The following SPAG16 variants were observed in gnomAD, a reference collection of about 807,000 sequenced individuals.
The protein encoded by SPAG16 is sperm associated antigen 16, also known as sperm-associated antigen 16 protein.
In SPAG16, 86 loss-of-function variants were observed where a neutral mutation model predicts 80.4. That is an observed-to-expected ratio of 1.07 (90% CI 0.90 to 1.28). The LOEUF is 1.28. Among genes scored for constraint, SPAG16 ranks in the 50% most tolerant of loss-of-function variants. The pLI, the probability that SPAG16 is intolerant of heterozygous loss-of-function variation, is 0.00. For missense variants in SPAG16, 870 were observed against 765.3 expected (o/e 1.14, Z -1.61); for synonymous variants, 294 against 265.9 (o/e 1.11, Z -1.03).
chr2:214,138,393 TG>T (rs1223608650), intron 14 of SPAG16, among the ~76,000 whole-genome samples: 1 of 152,096 alleles, frequency 6.6e-6, no homozygotes, highest in Non-Finnish European at 1.5e-5. Context: ...TCTCACGCCC[TG>T]GTACTGGGAA....
At chr2:214,168,507 G>GCA (rs143602373) in intron 15 of SPAG16, among the ~76,000 whole-genome samples, 2 of 151,190 alleles carry the variant, frequency 1.3e-5, no homozygotes, top group South Asian at 2.1e-4. Context: ...GCACACACAT[G>GCA]CACACACACA....
chr2:213,599,684 TG>T (rs1439675118), intron 10 of SPAG16, among the ~76,000 whole-genome samples: 4 of 152,118 alleles, frequency 2.6e-5, no homozygotes, highest in African/African-American at 9.7e-5. Context: ...ATTAGTAGTT[TG>T]TTGTTGGTTT....
At chr2:213,344,600 G>C (rs960463262) in intron 6 of SPAG16, among the ~76,000 whole-genome samples, 13 of 151,852 alleles carry the variant, frequency 8.6e-5, no homozygotes, top group Non-Finnish European at 1.6e-4. Context: ...TCATTGTTCA[G>C]TTCCCACCTA....
chr2:213,999,555 C>T (rs536395996), intron 12 of SPAG16, among the ~76,000 whole-genome samples: 10 of 152,360 alleles, frequency 6.6e-5, no homozygotes, highest in African/African-American at 1.9e-4. Context: ...CCCCCATACA[C>T]AGTCCTTACT....
intron 10 of SPAG16, among the ~76,000 whole-genome samples, chr2:213,584,621 GGGAA>G (rs368260518): frequency 1.6e-4 from 24 of 150,870 alleles, no homozygotes; most frequent in Admixed American, 5.3e-4. Context: ...GAAGGAAGGA[GGGAA>G]GGAAGGAAGG....
intron 10 of SPAG16, among the ~76,000 whole-genome samples, chr2:213,829,836 C>T (rs1008102445): frequency 7.9e-5 from 12 of 152,064 alleles, no homozygotes; most frequent in Admixed American, 7.2e-4. Context: ...CATGACTTTA[C>T]CCAGTGCATT....
intron 15 of SPAG16, among the ~76,000 whole-genome samples, chr2:214,241,849 G>T (rs1689517184): frequency 6.6e-6 from 1 of 151,754 alleles, no homozygotes; most frequent in Non-Finnish European, 1.5e-5. Context: ...ATAAGACAAG[G>T]AAGCAGACTT....
At chr2:214,090,076 A>G (rs1326843330) in intron 13 of SPAG16, among the ~76,000 whole-genome samples, 2 of 152,036 alleles carry the variant, frequency 1.3e-5, no homozygotes, top group Admixed American at 6.6e-5. Context: ...ATACACAGGA[A>G]TAAGCTTGTA....
intron 12 of SPAG16, among the ~76,000 whole-genome samples, chr2:213,992,631 T>G (rs1287425127): frequency 6.6e-6 from 1 of 152,148 alleles, no homozygotes; most frequent in African/African-American, 2.4e-5. Flanking sequence ...GGATTACTGT[T>G]TGAAGAAATT....
chr2:214,237,726 T>C (rs927237106), intron 15 of SPAG16, among the ~76,000 whole-genome samples: 2 of 152,028 alleles, frequency 1.3e-5, no homozygotes, highest in Non-Finnish European at 2.9e-5. Flanking sequence ...CTTTACTTCA[T>C]CTCATTTCCT....
At chr2:214,409,173 C>A (rs371079994) in intron 15 of SPAG16, among the ~76,000 whole-genome samples, 19 of 146,202 alleles carry the variant, frequency 1.3e-4, no homozygotes, top group African/African-American at 5.0e-4. Flanking sequence ...AAGGATCATA[C>A]GGAATTATCC....
At chr2:213,928,722 G>A (rs148482466) in intron 11 of SPAG16, among the ~76,000 whole-genome samples, 18 of 152,106 alleles carry the variant, frequency 1.2e-4, no homozygotes, top group Non-Finnish European at 1.6e-4. Flanking sequence ...GCTTGGTGCC[G>A]TAGAAACAGA....
chr2:214,042,919 T>G (rs1345654440), intron 13 of SPAG16, among the ~76,000 whole-genome samples: 1 of 152,144 alleles, frequency 6.6e-6, no homozygotes, highest in Non-Finnish European at 1.5e-5. Context: ...GGTCTATATA[T>G]TGGTTGTTAA....
intron 12 of SPAG16, among the ~76,000 whole-genome samples, chr2:213,975,125 T>G (rs2045299908): frequency 6.6e-6 from 1 of 151,236 alleles, no homozygotes; most frequent in African/African-American, 2.4e-5. Context: ...ATAGTAGATA[T>G]CTATCATAGG....
intron 13 of SPAG16, among the ~76,000 whole-genome samples, chr2:214,099,337 C>T (rs113346093): frequency 0.021 from 3,146 of 152,078 alleles, 108 homozygotes; most frequent in African/African-American, 0.072. Context: ...ATGTTAATTG[C>T]TTTACATAAA....
At chr2:213,921,019 G>T (rs1204857524) in intron 11 of SPAG16, among the ~76,000 whole-genome samples, 1 of 152,190 alleles carries the variant, frequency 6.6e-6, no homozygotes, top group Non-Finnish European at 1.5e-5. Flanking sequence ...CTTTGGAGTT[G>T]TTGGAGGGTA....
chr2:214,140,485 T>C (rs549576993), intron 14 of SPAG16, among the ~76,000 whole-genome samples: 5 of 152,210 alleles, frequency 3.3e-5, no homozygotes, highest in South Asian at 2.1e-4. Flanking sequence ...GAAGGGGTGG[T>C]AAAATGTTGT....
At chr2:213,848,329 G>A (rs770950890) in intron 10 of SPAG16, among the ~76,000 whole-genome samples, 32 of 152,270 alleles carry the variant, frequency 2.1e-4, no homozygotes, top group Non-Finnish European at 3.8e-4. Context: ...AATTTAAGAT[G>A]CAGAGATAAC....
intron 13 of SPAG16, among the ~76,000 whole-genome samples, chr2:214,064,137 G>C (rs536762100): frequency 6.6e-6 from 1 of 151,996 alleles, no homozygotes; most frequent in East Asian, 1.9e-4. Flanking sequence ...ATTTCAAAAC[G>C]TGTCTTTGGA....
Sources: allele counts gnomAD v4.1 joint callset (sites outside exome capture counted in the v4.1 genomes callset), GRCh38; gene constraint gnomAD v4.1.1; transcripts MANE v1.5; gene names NCBI Gene and HGNC (gene_info 2026-07-23, HGNC 2026-07-21).